Variants in TNIK observed in about 807,000 individuals in gnomAD.
TNIK encodes the protein TRAF2 and NCK-interacting protein kinase.
In TNIK, 49 loss-of-function variants were observed where a neutral mutation model predicts 191.3. The observed-to-expected ratio is 0.26, with a 90% CI of 0.20 to 0.32. TNIK has a LOEUF of 0.32. TNIK is among the 10% of genes least tolerant of loss of function. TNIK has a pLI of 1.00. For missense variants in TNIK, 1,155 were observed against 1,702.3 expected, an observed-to-expected ratio of 0.68 and a Z score of 5.66; for synonymous variants, 594 against 600.9, an observed-to-expected ratio of 0.99 and a Z score of 0.17.
chr3:171,271,418 C>T (rs557654160), intron 2 of TNIK, among the ~76,000 whole-genome samples: 1 of 152,298 alleles, frequency 6.6e-6, no homozygotes, highest in Non-Finnish European at 1.5e-5. Flanking sequence ...TTTCCATGAC[C>T]TATCCAATAC....
At chr3:171,207,941 C>T (rs1740302945) in intron 4 of TNIK, among the ~76,000 whole-genome samples, 2 of 152,178 alleles carry the variant, frequency 1.3e-5, no homozygotes, top group South Asian at 4.1e-4. Flanking sequence ...ACAATCCTTG[C>T]CCTCAGAGAG....
chr3:171,426,110 GT>G (rs965745443), intron 1 of TNIK, among the ~76,000 whole-genome samples: 2 of 152,034 alleles, frequency 1.3e-5, no homozygotes. Flanking sequence ...GCACACATAT[GT>G]TTACTGCAGC....
intron 19 of TNIK, among the ~76,000 whole-genome samples, chr3:171,110,285 G>A (rs1169292085): frequency 1.3e-5 from 2 of 152,140 alleles, no homozygotes; most frequent in Non-Finnish European, 2.9e-5. Context: ...ATTTCATTTT[G>A]AGAAATACAT....
intron 2 of TNIK, among the ~76,000 whole-genome samples, chr3:171,342,966 A>AC (rs1711532263): frequency 6.6e-6 from 1 of 152,200 alleles, no homozygotes; most frequent in Admixed American, 6.5e-5. Flanking sequence ...CTTGCCTGCC[A>AC]CCATGTAAGA....
chr3:171,109,909 ATT>A (rs112705012), intron 19 of TNIK, among the ~76,000 whole-genome samples: 2,288 of 146,016 alleles, frequency 0.016, 57 homozygotes, highest in African/African-American at 0.047. Flanking sequence ...GGAGTCAACA[ATT>A]TTTTTTTTTT....
intron 18 of TNIK, among the ~76,000 whole-genome samples, chr3:171,115,837 T>G (rs1193036183): frequency 2.6e-5 from 4 of 152,200 alleles, no homozygotes; most frequent in Non-Finnish European, 5.9e-5. Flanking sequence ...AGTCAGATGA[T>G]GAGGCCTGGG....
At chr3:171,066,969 C>T (rs571239332) in intron 30 of TNIK, among the ~76,000 whole-genome samples, 1 of 152,256 alleles carries the variant, frequency 6.6e-6, no homozygotes, top group East Asian at 1.9e-4. Flanking sequence ...ATCTATGGCA[C>T]ACCTACTATG....
chr3:171,188,486 T>A (rs1053205218), intron 7 of TNIK, among the ~76,000 whole-genome samples: 5 of 152,166 alleles, frequency 3.3e-5, no homozygotes, highest in African/African-American at 1.2e-4. Flanking sequence ...AACTTTTTAT[T>A]TATTTTTTTA....
At chr3:171,148,061 A>G (rs7372276) in intron 12 of TNIK, among the ~76,000 whole-genome samples, 20,566 of 152,152 alleles carry the variant, frequency 0.14, 2,029 homozygotes, top group African/African-American at 0.28. Flanking sequence ...TAGACAGGCC[A>G]GATATAACTC....
chr3:171,284,143 G>A (rs1013726145), intron 2 of TNIK, among the ~76,000 whole-genome samples: 1 of 152,010 alleles, frequency 6.6e-6, no homozygotes, highest in African/African-American at 2.4e-5. Context: ...AGGAGGGCAG[G>A]AATTTGTGTC....
At chr3:171,344,504 T>C (rs1480344892) in intron 2 of TNIK, among the ~76,000 whole-genome samples, 2 of 152,140 alleles carry the variant, frequency 1.3e-5, no homozygotes, top group Non-Finnish European at 2.9e-5. Context: ...TCATTCAAAT[T>C]TGGAAAGCTG....
At position 171,460,091 on chromosome 3, in the gene TNIK, C is replaced by A; in HGVS notation, c.-28G>T. ...CTACTTCTTCGCTGGAGAAATGGAC[C>A]AAAACCACCCCGAAGCTTTTCCCTT... On this transcript the variant is annotated 5_prime_UTR_variant, in exon 1 of 33. Transcript: ENST00000436636. This position sits in a 1 kb window ranked among gnomAD's most constrained non-coding sequence, Gnocchi z 6.8. 1 of 1,592,828 alleles carries A rather than the reference C, an allele frequency of 6.3e-7. No individual in the cohort carries two copies. Among genetic ancestry groups the A allele is most frequent in the Non-Finnish European group, 8.6e-7 (1 of 1,169,304 alleles).
chr3:171,341,741 C>G (rs1290340357), intron 2 of TNIK, among the ~76,000 whole-genome samples: 1 of 152,092 alleles, frequency 6.6e-6, no homozygotes, highest in Admixed American at 6.5e-5. Context: ...TAGTCTTTAT[C>G]CTTATGGCAG....
chr3:171,405,230 A>G (rs1261970607), intron 1 of TNIK, among the ~76,000 whole-genome samples: 1 of 152,192 alleles, frequency 6.6e-6, no homozygotes, highest in African/African-American at 2.4e-5. Context: ...AGATTTAACT[A>G]AGAAATAAAC....
At chr3:171,129,280 T>C (rs374017494) in intron 15 of TNIK, among the ~76,000 whole-genome samples, 1 of 152,062 alleles carries the variant, frequency 6.6e-6, no homozygotes, top group Admixed American at 6.5e-5. Flanking sequence ...TTGGGGAACA[T>C]AGAAAATTGC....
At chr3:171,079,719 C>G in intron 27 of TNIK, 67 bp from the exon 28 acceptor site, 1 of 1,489,150 alleles carries the variant, frequency 6.7e-7, no homozygotes, top group Non-Finnish European at 9.0e-7. Flanking sequence ...TTCCCCACCT[C>G]CATTTATTTC....
chr3:171,419,500 A>G (rs751724135), intron 1 of TNIK, among the ~76,000 whole-genome samples: 2 of 152,266 alleles, frequency 1.3e-5, no homozygotes, highest in Non-Finnish European at 2.9e-5. Context: ...TGTATTCTCC[A>G]TCACAAGAAA....
Position 171,376,940 on chromosome 3 carries a change from A to G in TNIK, c.58-7255T>C, listed in dbSNP as rs537668966. On this transcript the variant is annotated intron_variant, in intron 1 of 32. Coordinates refer to ENST00000436636, the MANE Select transcript of TNIK (RefSeq NM_015028.4). ...TCAAGTCTGGATTCCACTCCTTACT[A>G]GAGTTCTTTCACCCCTCATATTCCA... 3.9e-5 allele frequency among the ~76,000 whole-genome samples: 6 copies of G among 152,344 alleles called. No individual in the cohort carries two copies. In the South Asian group the frequency reaches 1.2e-3, roughly 32 times the overall value.
At chr3:171,411,427 T>C (rs1031513997) in intron 1 of TNIK, among the ~76,000 whole-genome samples, 4 of 151,942 alleles carry the variant, frequency 2.6e-5, no homozygotes, top group African/African-American at 9.7e-5. Context: ...TAAAAAAGAG[T>C]TGCCTTTGAT....
Sources: allele counts gnomAD v4.1 joint callset (sites outside exome capture counted in the v4.1 genomes callset), GRCh38; gene constraint gnomAD v4.1.1; non-coding constraint Gnocchi (gnomAD v3.1); transcripts MANE v1.5; gene names NCBI Gene and HGNC (gene_info 2026-07-23, HGNC 2026-07-21).